The following RUFY1 variants were observed in gnomAD, a reference collection of about 807,000 sequenced individuals.
The protein encoded by RUFY1 is RUN and FYVE domain-containing protein 1.
Under a neutral mutation model 94.6 loss-of-function variants are expected in RUFY1, and 54 were observed. The observed-to-expected ratio is 0.57, with a 90% CI of 0.46 to 0.72. The LOEUF (loss-of-function observed/expected upper bound fraction) is 0.72, where lower values mean the gene tolerates loss of function less well. Ranked by LOEUF, RUFY1 falls within the 30% of genes least tolerant of loss-of-function variation. RUFY1 has a pLI of 0.00. For synonymous variants in RUFY1, 396 were observed against 347.3 expected (o/e 1.14, Z -1.56); for missense variants, 883 against 883.9 (o/e 1.00, Z 0.01).
intron 9 of RUFY1, among the ~76,000 whole-genome samples, chr5:179,591,236 G>A (rs886515341): frequency 5.3e-5 from 8 of 151,624 alleles, no homozygotes; most frequent in South Asian, 2.1e-4. Flanking sequence ...CCAGGCTGGA[G>A]TGCAATGGCA....
Position 179,595,841 on chromosome 5 carries a change from C to T in RUFY1, c.1512-721C>T, listed in dbSNP as rs186488309. The T allele has an allele frequency of 6.9e-3, 1,056 of 152,964 alleles. 11 individuals are homozygous for T. The highest frequency in any genetic ancestry group is 8.7e-3 in the Non-Finnish European group (594 of 68,580). 9.5% of individuals were successfully genotyped at this position (152,964 alleles called of 1,614,324 possible). A position where few individuals can be genotyped will look rare whatever the true frequency, so the allele number is the denominator to read the frequency against. ...CTGGGATTATAGGCATGAGCCACCA[C>T]ACCTGGCCAGCTACCGTTTCTTTAA... On this transcript the variant is annotated intron_variant, in intron 12 of 17. Coordinates refer to ENST00000319449, the MANE Select transcript of RUFY1 (RefSeq NM_025158.5).
intron 16 of RUFY1, chr5:179,606,189 C>T: frequency 1.9e-6 from 1 of 536,102 alleles, no homozygotes; most frequent in Admixed American, 3.4e-5. Flanking sequence ...GATGGGCATT[C>T]CCTAAGGGGG....
intron 1 of RUFY1, among the ~76,000 whole-genome samples, chr5:179,554,578 G>A (rs1561948005): frequency 1.3e-5 from 2 of 151,998 alleles, no homozygotes; most frequent in South Asian, 2.1e-4. Flanking sequence ...GTGGGGTCTG[G>A]TATGTGATTG....
At chr5:179,578,021 T>TC (rs1474054982) in intron 6 of RUFY1, among the ~76,000 whole-genome samples, 1 of 152,098 alleles carries the variant, frequency 6.6e-6, no homozygotes, top group Non-Finnish European at 1.5e-5. Context: ...AGGTGAAATT[T>TC]CCCCATTCAC....
chr5:179,561,700 T>TTTTTTTTTTTTTTTTG (rs764059834), intron 2 of RUFY1, among the ~76,000 whole-genome samples: 7 of 95,610 alleles, frequency 7.3e-5, no homozygotes, highest in African/African-American at 1.7e-4. Flanking sequence ...TTTTTTTTTT[T>TTTTTTTTTTTTTTTTG]TTTGAAGAGT....
chr5:179,572,016 C>T (rs985712752), intron 5 of RUFY1: 2 of 152,834 alleles, frequency 1.3e-5, no homozygotes, highest in African/African-American at 2.4e-5. Context: ...TCCTTTATAC[C>T]TTCTAAGGTA....
At chr5:179,596,795 C>T in intron 13 of RUFY1, 114 bp downstream of exon 13, 1 of 895,122 alleles carries the variant, frequency 1.1e-6, no homozygotes, top group Non-Finnish European at 1.5e-6. Context: ...GGCGGGGGGG[C>T]AGGTGGTATC....
At chr5:179,576,964 A>C in intron 5 of RUFY1, 111 bp from the exon 6 acceptor site, 1 of 801,670 alleles carries the variant, frequency 1.2e-6, no homozygotes. Context: ...GGCTGACCTA[A>C]ATAAATGTTC....
chr5:179,563,927 C>T lies in RUFY1; in HGVS notation c.602+1263C>T, dbSNP rs1469108991. Among the ~76,000 whole-genome samples the T allele has an allele frequency of 2.6e-5, 4 of 152,140 alleles. No individual in the cohort carries two copies. In the South Asian group the frequency reaches 8.3e-4, roughly 32 times the overall value. ...CCACAGGTAATCCACCTGCCTCGGT[C>T]TTCCAAAGTGCTGGGATTACAGGCG... On this transcript the variant is annotated intron_variant, in intron 3 of 17. Transcript: ENST00000319449.
chr5:179,570,114 G>T (rs1475451887), intron 5 of RUFY1, among the ~76,000 whole-genome samples: 2 of 151,748 alleles, frequency 1.3e-5, no homozygotes, highest in African/African-American at 4.8e-5. Flanking sequence ...TCCTGACCTC[G>T]TGATCCACCC....
At chr5:179,569,111 A>C in intron 4 of RUFY1, 191 bp from the exon 5 acceptor site, 1 of 968,536 alleles carries the variant, frequency 1.0e-6, no homozygotes. Flanking sequence ...ATTCTAAGCC[A>C]CAGGAAGAGA....
At chr5:179,560,751 GA>G (rs1177705458) in intron 2 of RUFY1, among the ~76,000 whole-genome samples, 160 of 144,286 alleles carry the variant, frequency 1.1e-3, no homozygotes, top group African/African-American at 3.6e-3. Context: ...AAAGAAAAAA[GA>G]AAAAAAAGTG....
At position 179,550,752 on chromosome 5, in the gene RUFY1, C is replaced by G; in HGVS notation, c.183C>G (p.Gly61=). Reference sequence around the variant, plus strand: ...CAACGAGGCCGCGGGCGGCCGAGGGCTGGTCGGCGCCCATCCTGACCCTGG... The same window carrying G: ...CAACGAGGCCGCGGGCGGCCGAGGGGTGGTCGGCGCCCATCCTGACCCTGG... The part of the protein sequence containing the change: ...RSATRPRAAE[G]WSAPILTLAR... Residue 61 remains glycine, a synonymous_variant, in exon 1 of 18, where the codon GGC becomes GGG. Coordinates refer to ENST00000319449, the MANE Select transcript of RUFY1 (RefSeq NM_025158.5). The G allele has an allele frequency of 6.9e-7, 1 of 1,446,216 alleles. No homozygotes were observed. The highest frequency in any genetic ancestry group is 9.1e-7 in the Non-Finnish European group (1 of 1,099,668). The allele number at this position is 1,446,216 out of a possible 1,614,324, so 89.6% of individuals were successfully genotyped here. A position where few individuals can be genotyped will look rare whatever the true frequency, so the allele number is the denominator to read the frequency against.
chr5:179,569,054 G>A, intron 4 of RUFY1: 1 of 985,334 alleles, frequency 1.0e-6, no homozygotes, highest in Non-Finnish European at 1.2e-6. Context: ...CTGGGGTCCA[G>A]GGTCTGCATG....
At chr5:179,597,760 G>C (rs537982006) in intron 13 of RUFY1, among the ~76,000 whole-genome samples, 1 of 152,334 alleles carries the variant, frequency 6.6e-6, no homozygotes, top group South Asian at 2.1e-4. Context: ...CACAAAGAGA[G>C]AGCAGACTCC....
Position 179,577,063 on chromosome 5 carries a change from T to G in RUFY1, c.829-12T>G. ...ACATTTTATTTAAACTTGTGCATTTTATTTCGTTTAGGTTGGAGTAATAGA... is the reference window on the plus strand; with the variant it reads ...ACATTTTATTTAAACTTGTGCATTTGATTTCGTTTAGGTTGGAGTAATAGA... On this transcript the variant is annotated splice_polypyrimidine_tract_variant and intron_variant, in intron 5 of 17. Coordinates refer to ENST00000319449, the MANE Select transcript of RUFY1 (RefSeq NM_025158.5). 1 of 1,567,512 alleles carries G rather than the reference T, an allele frequency of 6.4e-7. No homozygotes were observed.
chr5:179,591,655 G>C lies in RUFY1; in HGVS notation c.1159G>C (p.Glu387Gln). The change falls in exon 10 of 18, where the codon GAG becomes CAG. Residue 387 changes from glutamate to glutamine, a missense_variant. Transcript: ENST00000319449. ...AAAACAGGATACCAAAGTTGAGCTG[G>C]AGACTTACAAGCAAACTCGGCAAGG... ...ITKQDTKVEL[E>Q]TYKQTRQGLD... 6.2e-7 allele frequency: 1 copy of C among 1,613,112 alleles called. No individual in the cohort carries two copies.
chr5:179,561,700 T>TTTTG (rs1554114744), intron 2 of RUFY1, among the ~76,000 whole-genome samples: 2,196 of 95,474 alleles, frequency 0.023, 160 homozygotes, highest in African/African-American at 0.042. Context: ...TTTTTTTTTT[T>TTTTG]TTTGAAGAGT....
chr5:179,551,663 G>C (rs952916178), intron 1 of RUFY1, among the ~76,000 whole-genome samples: 2 of 146,246 alleles, frequency 1.4e-5, no homozygotes, highest in Non-Finnish European at 3.0e-5. Flanking sequence ...GCTCGGCTAA[G>C]TTCCCCGCCC....
Sources: allele counts gnomAD v4.1 joint callset (sites outside exome capture counted in the v4.1 genomes callset), GRCh38; gene constraint gnomAD v4.1.1; transcripts MANE v1.5; gene names NCBI Gene and HGNC (gene_info 2026-07-23, HGNC 2026-07-21).